The following UBE2V2 variants were observed in gnomAD, a reference collection of about 807,000 sequenced individuals.
UBE2V2 encodes the protein ubiquitin conjugating enzyme E2 V2.
A neutral mutation model predicts 17.2 loss-of-function variants in UBE2V2; 9 were observed. The ratio of observed to expected loss-of-function variants is 0.52; its 90% confidence interval spans 0.32 to 0.91. The LOEUF (loss-of-function observed/expected upper bound fraction) is 0.91. Among genes scored for constraint, UBE2V2 ranks in the 40% least tolerant of loss-of-function variants. The probability of loss-of-function intolerance (pLI) is 0.04; values close to 1 mark genes in which losing one functional copy is unlikely to be tolerated. For missense variants in UBE2V2, 133 were observed against 182.6 expected (o/e 0.73, Z 1.56); for synonymous variants, 61 against 57.5 (o/e 1.06, Z -0.28).
At chr8:48,058,345 G>A (rs1194727594) in intron 3 of UBE2V2, among the ~76,000 whole-genome samples, 1 of 152,016 alleles carries the variant, frequency 6.6e-6, no homozygotes, top group Non-Finnish European at 1.5e-5. Context: ...GTGAGCACCT[G>A]TAATCCTAGC....
At chr8:47,998,218 C>T in the UBE2V2 span, among the ~76,000 whole-genome samples, 4 of 152,030 alleles carry the variant, frequency 2.6e-5, no homozygotes, top group African/African-American at 7.2e-5. Context: ...GATTTCTGAA[C>T]GGAGGCCAAG....
rs1459332981 is a variant in UBE2V2, at chr8:48,014,351, T to C, written c.16+5881T>C. Among the ~76,000 whole-genome samples, 5 of 151,960 alleles carry C rather than the reference T, an allele frequency of 3.3e-5. No individual in the cohort carries two copies. In the East Asian group the frequency reaches 9.6e-4, roughly 29 times the overall value. On this transcript the variant is annotated intron_variant, in intron 1 of 3. Coordinates refer to ENST00000523111, the MANE Select transcript of UBE2V2 (RefSeq NM_003350.3). Reference sequence around the variant, plus strand: ...ATTAAGAACTCTCCCTGTTTAGAAATATGCAGGAAAGGGCCGGGCATGGTG... The same window carrying C: ...ATTAAGAACTCTCCCTGTTTAGAAACATGCAGGAAAGGGCCGGGCATGGTG...
intron 1 of UBE2V2, among the ~76,000 whole-genome samples, chr8:48,030,581 T>G (rs911543420): frequency 3.3e-5 from 5 of 152,092 alleles, no homozygotes; most frequent in Non-Finnish European, 7.4e-5. Context: ...ATTAGCTGGA[T>G]GTAGTGGCAT....
chr8:48,015,566 T>C (rs928499616), intron 1 of UBE2V2, among the ~76,000 whole-genome samples: 1 of 152,170 alleles, frequency 6.6e-6, no homozygotes, highest in Non-Finnish European at 1.5e-5. Flanking sequence ...ATCACCATGC[T>C]ATACAGTAGT....
intron 1 of UBE2V2, among the ~76,000 whole-genome samples, chr8:48,019,763 C>T (rs13264228): frequency 0.2 from 30,855 of 151,614 alleles, 4,109 homozygotes; most frequent in South Asian, 0.42. Context: ...TGCAGTGAGC[C>T]GAGATTGCGC....
At chr8:48,048,962 CTT>C (rs1404033363) in intron 2 of UBE2V2, among the ~76,000 whole-genome samples, 1 of 151,098 alleles carries the variant, frequency 6.6e-6, no homozygotes, top group East Asian at 1.9e-4. Flanking sequence ...TTTTTAATCT[CTT>C]GAGTCAAGGT....
At chr8:48,048,941 AT>A (rs898737102) in intron 2 of UBE2V2, among the ~76,000 whole-genome samples, 143 of 151,416 alleles carry the variant, frequency 9.4e-4, no homozygotes, top group African/African-American at 1.9e-3. Flanking sequence ...CTTTAAAACA[AT>A]TTTTTTTTCT....
chr8:48,014,802 G>A (rs547006246), intron 1 of UBE2V2, among the ~76,000 whole-genome samples: 3 of 151,808 alleles, frequency 2.0e-5, no homozygotes, highest in Non-Finnish European at 4.4e-5. Flanking sequence ...CGTAATCCTA[G>A]CACTTTGGGA....
chr8:48,004,535 T>C (rs998583346), upstream of UBE2V2, among the ~76,000 whole-genome samples: 3 of 151,656 alleles, frequency 2.0e-5, no homozygotes, highest in African/African-American at 7.3e-5. Context: ...GTTTTGTTTT[T>C]TTGTTTTTTT....
intron 3 of UBE2V2, among the ~76,000 whole-genome samples, chr8:48,053,046 A>C (rs1197652820): frequency 6.6e-6 from 1 of 152,078 alleles, no homozygotes; most frequent in African/African-American, 2.4e-5. Flanking sequence ...AGCTGGGACT[A>C]CAAGTGTGTG....
intron 1 of UBE2V2, among the ~76,000 whole-genome samples, chr8:48,018,636 A>G (rs1413357358): frequency 1.3e-5 from 2 of 152,166 alleles, no homozygotes; most frequent in African/African-American, 4.8e-5. Context: ...CCACTGTTGA[A>G]TGGTATGTTC....
In UBE2V2 at chr8:48,017,845, C is replaced by CA. The variant is rs752427224; in HGVS notation, c.16+9375_16+9376insA. 8.6e-3 allele frequency among the ~76,000 whole-genome samples: 1,248 copies of CA among 144,910 alleles called. 10 individuals carry two copies. Among genetic ancestry groups the CA allele is most frequent in the Non-Finnish European group, 0.015 (969 of 66,400 alleles). ...TGTTTTCTAGTAGTTTCATAGATTG[C>CA]CTTTTTTTTTTTTTTTTTCCTGAGA... On this transcript the variant is annotated intron_variant, in intron 1 of 3. Transcript: ENST00000523111.
intron 1 of UBE2V2, among the ~76,000 whole-genome samples, chr8:48,020,634 T>G (rs2154506963): frequency 6.6e-6 from 1 of 152,194 alleles, no homozygotes; most frequent in East Asian, 1.9e-4. Flanking sequence ...ATTCCTCGCC[T>G]TTTTATTTTT....
At position 48,060,950 on chromosome 8, in the gene UBE2V2, G is replaced by A; in HGVS notation, c.*122G>A. ...GAATTCCAGCTGGTAAACATGACCT[G>A]GACATTTGTAAGAATATATTTAATA... is the stretch of plus-strand genomic sequence containing the variant. On this transcript the variant is annotated 3_prime_UTR_variant, in exon 4 of 4. Coordinates refer to ENST00000523111, the MANE Select transcript of UBE2V2 (RefSeq NM_003350.3). The A allele has an allele frequency of 3.3e-6, 3 of 910,402 alleles. No individual in the cohort carries two copies. The highest frequency in any genetic ancestry group is 3.2e-5 in the East Asian group (1 of 30,986). 56.4% of individuals were successfully genotyped at this position (910,402 alleles called of 1,614,324 possible). A position where few individuals can be genotyped will look rare whatever the true frequency, so the allele number is the denominator to read the frequency against.
intron 3 of UBE2V2, among the ~76,000 whole-genome samples, chr8:48,057,760 T>G (rs754344625): frequency 7.9e-5 from 12 of 152,182 alleles, no homozygotes; most frequent in Non-Finnish European, 1.8e-4. Flanking sequence ...TACTTAGGTA[T>G]TTTATTAATT....
chr8:48,053,422 ATTTTTTT>A (rs1218371704), intron 3 of UBE2V2, among the ~76,000 whole-genome samples: 22 of 136,548 alleles, frequency 1.6e-4, no homozygotes, highest in Non-Finnish European at 8.0e-5. Context: ...AGATCTTTTA[ATTTTTTT>A]TTTTTTTTTT....
chr8:48,022,911 T>C (rs2091315438), intron 1 of UBE2V2, among the ~76,000 whole-genome samples: 1 of 151,442 alleles, frequency 6.6e-6, no homozygotes, highest in Non-Finnish European at 1.5e-5. Flanking sequence ...AGTGCTGGGG[T>C]TACAGGTGTG....
intron 1 of UBE2V2, among the ~76,000 whole-genome samples, chr8:48,024,804 G>A (rs1213656429): frequency 1.3e-5 from 2 of 152,078 alleles, no homozygotes; most frequent in Non-Finnish European, 2.9e-5. Context: ...GGATTTTATT[G>A]AAATGAGTAA....
At chr8:48,040,630 CTTTTTTTG>C (rs2091454983) in intron 1 of UBE2V2, among the ~76,000 whole-genome samples, 2 of 151,606 alleles carry the variant, frequency 1.3e-5, no homozygotes, top group Non-Finnish European at 2.9e-5. Context: ...TCTGTTTTTT[CTTTTTTTG>C]TTTTGTTTTT....
Sources: gnomAD v4.1 joint callset for allele counts (sites outside exome capture counted in the v4.1 genomes callset) on GRCh38, gnomAD v4.1.1 for gene constraint, MANE v1.5 for transcripts, NCBI Gene and HGNC (gene_info 2026-07-23, HGNC 2026-07-21) for gene names.